The following ARHGEF7 variants were observed in gnomAD, a reference collection of about 807,000 sequenced individuals.
ARHGEF7 encodes the protein PAK-interacting exchange factor beta.
ARHGEF7 carries 33 observed loss-of-function variants against 109.8 expected under a neutral mutation model. That is an observed-to-expected ratio of 0.30 (90% confidence interval 0.23 to 0.40). The LOEUF is 0.40. Ranked by LOEUF, ARHGEF7 falls within the 10% of genes least tolerant of loss-of-function variation. The pLI is 1.00. For missense variants in ARHGEF7, 938 were observed against 1,098.5 expected, an observed-to-expected ratio of 0.85 and a Z score of 2.07; for synonymous variants, 458 against 424.6, an observed-to-expected ratio of 1.08 and a Z score of -0.97.
intron 6 of ARHGEF7, 120 bp downstream of exon 6, chr13:111,233,413 GC>G: frequency 1.3e-6 from 1 of 777,912 alleles, no homozygotes; most frequent in Non-Finnish European, 2.2e-6. Context: ...TCATTCATCT[GC>G]CACACAAATG....
chr13:111,239,096 C>T lies in ARHGEF7; in HGVS notation c.760-4776C>T, dbSNP rs2087299376. Among the ~76,000 whole-genome samples, 1 of 152,078 alleles carries T rather than the reference C, an allele frequency of 6.6e-6. No homozygotes were observed. Among genetic ancestry groups the T allele is most frequent in the Admixed American group, 6.5e-5 (1 of 15,282 alleles). ...ATCTTGTGAGAACTCACCATGAGAA[C>T]AGCATAGGGGAACGCGCTGCGTGCC... On this transcript the variant is annotated intron_variant, in intron 6 of 21. Transcript: ENST00000646102. This position sits in a 1 kb window ranked among gnomAD's most constrained non-coding sequence, Gnocchi z 4.3.
At chr13:111,289,451 AGCTGACATGTGGGCACGT>A (rs1393575023) in intron 18 of ARHGEF7, among the ~76,000 whole-genome samples, 2 of 152,222 alleles carry the variant, frequency 1.3e-5, no homozygotes, top group Non-Finnish European at 2.9e-5. Context: ...TGCCCACAAC[AGCTGACATGTGGGCACGT>A]GCTGCTGGGG....
At chr13:111,196,246 C>G (rs553271955) in intron 2 of ARHGEF7, among the ~76,000 whole-genome samples, 1 of 152,316 alleles carries the variant, frequency 6.6e-6, no homozygotes, top group East Asian at 1.9e-4. Context: ...TGACTCCAGT[C>G]CCCATGATCT....
At chr13:111,226,918 A>G (rs192633281) in intron 5 of ARHGEF7, among the ~76,000 whole-genome samples, 210 of 152,312 alleles carry the variant, frequency 1.4e-3, no homozygotes, top group Non-Finnish European at 2.6e-3. Flanking sequence ...ATCAACATCA[A>G]CAGGAGTTTG....
rs189568707 is a variant in ARHGEF7, at chr13:111,154,789, T to G, written c.252+798T>G. Among the ~76,000 whole-genome samples the G allele has an allele frequency of 2.2e-4, 34 of 152,346 alleles. No individual in the cohort carries two copies. In the East Asian group the frequency reaches 6.6e-3, roughly 29 times the overall value. On this transcript the variant is annotated intron_variant, in intron 2 of 21. Coordinates refer to ENST00000646102, the MANE Select transcript of ARHGEF7 (RefSeq NM_001354046.2). ...TACAGAAATCTAGCTTTGCTTTTCT[T>G]GGGATCTGCTTAAGTGGTTGCAGTC...
At chr13:111,180,750 T>C (rs1444782453) in intron 2 of ARHGEF7, among the ~76,000 whole-genome samples, 1 of 152,256 alleles carries the variant, frequency 6.6e-6, no homozygotes. Flanking sequence ...ATGAGAGCAG[T>C]ACAGTTGGTG....
At chr13:111,152,760 T>G (rs16941347) in intron 1 of ARHGEF7, among the ~76,000 whole-genome samples, 58,546 of 152,174 alleles carry the variant, frequency 0.38, 11,906 homozygotes, top group East Asian at 0.68. Context: ...ATTTGGAACA[T>G]AAGTTTTCTT....
rs530712930 is a variant in ARHGEF7, at chr13:111,215,092, G to T, written c.469-2587G>T. ...TTCTTTTTTTGTTTTGATTTTTATG[G>T]TGCATAGTTCATCTATATTTATGGG... On this transcript the variant is annotated intron_variant, in intron 4 of 21. Transcript: ENST00000646102. Among the ~76,000 whole-genome samples the T allele has an allele frequency of 3.3e-5, 5 of 151,942 alleles. No individual in the cohort carries two copies. In the East Asian group the frequency reaches 5.8e-4, roughly 18 times the overall value.
rs553355660 is a variant in ARHGEF7, at chr13:111,183,449, G to A, written c.253-21840G>A. On this transcript the variant is annotated intron_variant, in intron 2 of 21. Coordinates refer to ENST00000646102, the MANE Select transcript of ARHGEF7 (RefSeq NM_001354046.2). ...TGGCAAATGTTTTGATTCTTTGGAT[G>A]TTTTTTGATGGGGTCTACCCTCAGG... Among the ~76,000 whole-genome samples the A allele has an allele frequency of 4.6e-5, 7 of 151,924 alleles. No individual in the cohort carries two copies. In the South Asian group the frequency reaches 1.5e-3, roughly 32 times the overall value.
chr13:111,160,798 G>T (rs1372269016), intron 2 of ARHGEF7, among the ~76,000 whole-genome samples: 1 of 152,256 alleles, frequency 6.6e-6, no homozygotes, highest in East Asian at 1.9e-4. Flanking sequence ...CTCCCCCTTT[G>T]CTCCTCACCC....
In ARHGEF7 at chr13:111,221,356, T is replaced by TAGAC. The variant is rs1555372288; in HGVS notation, c.670+3477_670+3478insGACA. Among the ~76,000 whole-genome samples the TAGAC allele has an allele frequency of 7.7e-4, 10 of 13,044 alleles. 4 individuals carry two copies. Among genetic ancestry groups the TAGAC allele is most frequent in the South Asian group, 5.7e-3 (2 of 348 alleles). 8.6% of individuals were successfully genotyped at this position (13,044 alleles called of 152,430 possible). On this transcript the variant is annotated intron_variant, in intron 5 of 21. Transcript: ENST00000646102. ...CTATATATATCTATATATATGTCTA[T>TAGAC]ATATATATCTATATATATATCTATA...
chr13:111,149,235 C>T (rs188009423), intron 1 of ARHGEF7, among the ~76,000 whole-genome samples: 143 of 151,152 alleles, frequency 9.5e-4, no homozygotes, highest in African/African-American at 3.4e-3. Flanking sequence ...CATAGTGAGA[C>T]CACTATCTCT....
rs935249940 is a variant in ARHGEF7 at position 111,153,578 on chromosome 13, G to T, written c.166-327G>T. ...GCAAAGCAGGGTGGGCTGCGTCCGC[G>T]GGGGCGAACACCCGACGCTATCCGA... On this transcript the variant is annotated intron_variant, in intron 1 of 21. Coordinates refer to ENST00000646102, the MANE Select transcript of ARHGEF7 (RefSeq NM_001354046.2). 15 of 1,075,056 alleles carry T rather than the reference G, an allele frequency of 1.4e-5. No homozygotes were observed. The East Asian group carries it at 3.0e-4, about 22-fold the overall frequency. The allele number at this position is 1,075,056 out of a possible 1,614,324, so 66.6% of individuals were successfully genotyped here.
At chr13:111,262,414 ATG>A (rs760508570) in intron 8 of ARHGEF7, among the ~76,000 whole-genome samples, 309 of 146,884 alleles carry the variant, frequency 2.1e-3, no homozygotes, top group Non-Finnish European at 3.3e-3. Context: ...GTGTGTGTGC[ATG>A]TGTGTGTGTG....
chr13:111,251,673 G>C (rs1382738559), intron 8 of ARHGEF7, among the ~76,000 whole-genome samples: 4 of 152,236 alleles, frequency 2.6e-5, no homozygotes. Flanking sequence ...TAGCAAGTCT[G>C]TTTTTGCTTA....
At chr13:111,227,774 G>A (rs1201097544) in intron 5 of ARHGEF7, among the ~76,000 whole-genome samples, 4 of 152,138 alleles carry the variant, frequency 2.6e-5, no homozygotes, top group Admixed American at 6.5e-5. Flanking sequence ...TGTGCTAAAC[G>A]AGATGCTTTA....
chr13:111,178,257 G>A (rs937784294), intron 2 of ARHGEF7, among the ~76,000 whole-genome samples: 8 of 152,190 alleles, frequency 5.3e-5, no homozygotes, highest in African/African-American at 1.4e-4. Context: ...GGGAACCAGC[G>A]AGAGAACAGG....
intron 3 of ARHGEF7, 101 bp downstream of exon 3, chr13:111,205,474 T>TA (rs998989489): frequency 1.1e-5 from 8 of 735,480 alleles, no homozygotes; most frequent in Non-Finnish European, 1.7e-5. Flanking sequence ...TTACTGAATT[T>TA]AAAAAATAAG....
intron 2 of ARHGEF7, among the ~76,000 whole-genome samples, chr13:111,155,019 A>AT (rs2076202185): frequency 6.6e-6 from 1 of 152,216 alleles, no homozygotes; most frequent in Non-Finnish European, 1.5e-5. Flanking sequence ...AAAAAAAACA[A>AT]TAAAAAACAA....
Sources: allele counts gnomAD v4.1 joint callset (sites outside exome capture counted in the v4.1 genomes callset), GRCh38; gene constraint gnomAD v4.1.1; non-coding constraint Gnocchi (gnomAD v3.1); transcripts MANE v1.5; gene names NCBI Gene and HGNC (gene_info 2026-07-23, HGNC 2026-07-21).